The following CCDC50 variants were observed in gnomAD, a reference collection of about 807,000 sequenced individuals.
CCDC50 encodes coiled-coil domain containing 50, also known as coiled-coil domain-containing protein 50.
A neutral mutation model predicts 70.2 loss-of-function variants in CCDC50; 54 were observed. That is an observed-to-expected ratio of 0.77 (90% CI 0.62 to 0.96). The LOEUF (loss-of-function observed/expected upper bound fraction) is 0.96. Ranked by LOEUF, CCDC50 falls within the 50% of genes least tolerant of loss-of-function variation. CCDC50 has a pLI of 0.00. For synonymous variants in CCDC50, 216 were observed against 198.8 expected (o/e 1.09, Z -0.73); for missense variants, 558 against 578.7 (o/e 0.96, Z 0.37).
intron 1 of CCDC50, among the ~76,000 whole-genome samples, chr3:191,331,677 C>CATTAG (rs1405146055): frequency 2.0e-5 from 3 of 152,156 alleles, no homozygotes; most frequent in Non-Finnish European, 4.4e-5. Flanking sequence ...ATGTATTATA[C>CATTAG]TAGGAATGTC....
intron 1 of CCDC50, among the ~76,000 whole-genome samples, chr3:191,350,275 T>A (rs1712063259): frequency 7.0e-6 from 1 of 142,146 alleles, no homozygotes; most frequent in African/African-American, 2.5e-5. Flanking sequence ...AATATCTTTC[T>A]TGTTCATAGT....
chr3:191,351,986 C>T lies in CCDC50; in HGVS notation c.50-5102C>T, dbSNP rs763114031. Among the ~76,000 whole-genome samples the T allele has an allele frequency of 2.4e-4, 34 of 141,452 alleles. 5 individuals carry two copies. Among genetic ancestry groups the T allele is most frequent in the Non-Finnish European group, 4.6e-4 (29 of 62,820 alleles). 92.8% of individuals were successfully genotyped at this position (141,452 alleles called of 152,430 possible). A position where few individuals can be genotyped will look rare whatever the true frequency, so the allele number is the denominator to read the frequency against. ...TTTTAACTTACCTTGAGATACATTT[C>T]GTGTTAATTACTTTAAGGTTTCTTG... On this transcript the variant is annotated intron_variant, in intron 1 of 11. Coordinates refer to ENST00000392455, the MANE Select transcript of CCDC50 (RefSeq NM_178335.3).
rs746062976 is a variant in CCDC50 at position 191,391,727 on chromosome 3, C to T, written c.1430-14C>T. 5 of 1,612,086 alleles carry T rather than the reference C, an allele frequency of 3.1e-6. No homozygotes were observed. In the South Asian group the frequency reaches 5.5e-5, roughly 18 times the overall value. ...TTTCCTTAATTGTGTTTCCTTTTTT[C>T]TTCCCCTCCCCAGGTTTTCATTACA... On this transcript the variant is annotated splice_polypyrimidine_tract_variant and intron_variant, in intron 11 of 11. Transcript: ENST00000392455.
chr3:191,365,523 GATGTTTTTAC>G (rs1010527206), intron 4 of CCDC50, among the ~76,000 whole-genome samples: 34 of 152,160 alleles, frequency 2.2e-4, no homozygotes, highest in Admixed American at 2.0e-3. Context: ...CTATTATACT[GATGTTTTTAC>G]ATCCATAGAA....
chr3:191,331,671 AT>A (rs1217443369), intron 1 of CCDC50, among the ~76,000 whole-genome samples: 1 of 152,190 alleles, frequency 6.6e-6, no homozygotes, highest in Non-Finnish European at 1.5e-5. Context: ...GAAGTGATGT[AT>A]TATACTAGGA....
chr3:191,351,600 G>A (rs1294503703), intron 1 of CCDC50, among the ~76,000 whole-genome samples: 2 of 141,202 alleles, frequency 1.4e-5, no homozygotes, highest in East Asian at 1.9e-4. Flanking sequence ...GAAAAAAGGT[G>A]TGTGAGGAGA....
rs976204777 is a variant in CCDC50, at chr3:191,346,111, C to A, written c.50-10977C>A. On this transcript the variant is annotated intron_variant, in intron 1 of 11. Transcript: ENST00000392455. ...AGGAAGATTGTCGACAAATTTGGGA[C>A]CATATGTGGGCTTTACTTTTGTTAA... Among the ~76,000 whole-genome samples, 12 of 152,076 alleles carry A rather than the reference C, an allele frequency of 7.9e-5. 1 individual carries two copies. The highest frequency in any genetic ancestry group is 3.9e-4 in the Admixed American group (6 of 15,272).
chr3:191,368,967 T>TA (rs923169092), intron 4 of CCDC50, among the ~76,000 whole-genome samples: 4 of 152,152 alleles, frequency 2.6e-5, no homozygotes, highest in Non-Finnish European at 5.9e-5. Context: ...CCCCTTATTT[T>TA]AACAGACTCC....
chr3:191,371,023 G>GT (rs1712895557), intron 5 of CCDC50, among the ~76,000 whole-genome samples: 1 of 152,124 alleles, frequency 6.6e-6, no homozygotes, highest in Non-Finnish European at 1.5e-5. Flanking sequence ...AAGAAAGAAG[G>GT]TATACCATGC....
At chr3:191,349,852 G>A (rs775996429) in intron 1 of CCDC50, among the ~76,000 whole-genome samples, 7 of 140,324 alleles carry the variant, frequency 5.0e-5, no homozygotes, top group Non-Finnish European at 8.0e-5. Context: ...GCATTTTGGG[G>A]GACATGGAAA....
At position 191,395,973 on chromosome 3, in the gene CCDC50, G is replaced by T. The variant is rs1333352871; in HGVS notation, c.*4213G>T. ...AACTGGAGACTGTCCTGTTAATGCT[G>T]CATGGGGCACAATGTCTTTCAAATT... On this transcript the variant is annotated 3_prime_UTR_variant, in exon 12 of 12. Coordinates refer to ENST00000392455, the MANE Select transcript of CCDC50 (RefSeq NM_178335.3). The T allele has an allele frequency of 6.6e-6, 1 of 152,126 alleles. No homozygotes were observed. Among genetic ancestry groups the T allele is most frequent in the African/African-American group, 2.4e-5 (1 of 41,430 alleles). 9.4% of individuals were successfully genotyped at this position (152,126 alleles called of 1,614,324 possible).
chr3:191,334,224 A>G (rs1190955339), intron 1 of CCDC50, among the ~76,000 whole-genome samples: 1 of 152,188 alleles, frequency 6.6e-6, no homozygotes, highest in Non-Finnish European at 1.5e-5. Flanking sequence ...TTGCTGTGGT[A>G]TAGAATGCAT....
intron 5 of CCDC50, among the ~76,000 whole-genome samples, chr3:191,373,310 A>C (rs1360034491): frequency 6.6e-6 from 1 of 152,142 alleles, no homozygotes; most frequent in African/African-American, 2.4e-5. Flanking sequence ...TTAGAGAATA[A>C]ACTTTTTCAG....
rs149102514 is a variant in CCDC50 at position 191,381,131 on chromosome 3, C to T, written c.1242+199C>T. Reference sequence around the variant, plus strand: ...ATTTTGGAACATATGTAAAAAGTTACTGCTAAGATTGAAAACTCATTCTGT... The same window carrying T: ...ATTTTGGAACATATGTAAAAAGTTATTGCTAAGATTGAAAACTCATTCTGT... On this transcript the variant is annotated intron_variant, in intron 9 of 11. Transcript: ENST00000392455. 6.6e-5 allele frequency among the ~76,000 whole-genome samples: 10 copies of T among 152,220 alleles called. 1 individual carries two copies. In the East Asian group the frequency reaches 1.9e-3, roughly 29 times the overall value.
chr3:191,356,278 A>G (rs1214464948), intron 1 of CCDC50, among the ~76,000 whole-genome samples: 8 of 151,896 alleles, frequency 5.3e-5, no homozygotes, highest in African/African-American at 1.9e-4. Flanking sequence ...TGGGGTAAAC[A>G]TGGATACCAT....
At chr3:191,342,155 C>T (rs527847817) in intron 1 of CCDC50, among the ~76,000 whole-genome samples, 1 of 152,106 alleles carries the variant, frequency 6.6e-6, no homozygotes, top group African/African-American at 2.4e-5. Context: ...GTTTTCTGTT[C>T]CTAACTTTTG....
intron 1 of CCDC50, among the ~76,000 whole-genome samples, chr3:191,343,330 A>G (rs1711799285): frequency 6.6e-6 from 1 of 152,226 alleles, no homozygotes; most frequent in Admixed American, 6.5e-5. Context: ...AATCAAAGTA[A>G]GAGTTCTCTT....
At chr3:191,347,891 T>G (rs1049487444) in intron 1 of CCDC50, among the ~76,000 whole-genome samples, 3 of 142,262 alleles carry the variant, frequency 2.1e-5, no homozygotes, top group South Asian at 4.4e-4. Context: ...TGTGCACTAG[T>G]CGTCATTGTT....
intron 4 of CCDC50, among the ~76,000 whole-genome samples, chr3:191,369,280 GT>G (rs577787481): frequency 2.0e-5 from 3 of 151,736 alleles, no homozygotes; most frequent in Non-Finnish European, 4.4e-5. Flanking sequence ...TAATTTTATT[GT>G]AGTTACTTTT....
Sources: gnomAD v4.1 joint callset for allele counts (sites outside exome capture counted in the v4.1 genomes callset) on GRCh38, gnomAD v4.1.1 for gene constraint, MANE v1.5 for transcripts, NCBI Gene and HGNC (gene_info 2026-07-23, HGNC 2026-07-21) for gene names.